Variants in CPNE4 observed in about 807,000 individuals in gnomAD.
CPNE4 encodes the protein copine 4.
In CPNE4, 25 loss-of-function variants were observed where a neutral mutation model predicts 67.9. The ratio of observed to expected loss-of-function variants is 0.37; its 90% CI spans 0.27 to 0.51. The LOEUF (loss-of-function observed/expected upper bound fraction) is 0.51, where lower values mean the gene tolerates loss of function less well. CPNE4 is among the 20% of genes least tolerant of loss of function. The pLI is 0.93. For missense variants in CPNE4, 464 were observed against 690.8 expected, an observed-to-expected ratio of 0.67 and a Z score of 3.68; for synonymous variants, 242 against 244.9, an observed-to-expected ratio of 0.99 and a Z score of 0.11.
intron 7 of CPNE4, among the ~76,000 whole-genome samples, chr3:131,639,661 G>A (rs960874347): frequency 4.6e-5 from 7 of 152,060 alleles, no homozygotes; most frequent in Non-Finnish European, 7.4e-5. Flanking sequence ...ATTCTATGAC[G>A]CCAGCATCGC....
upstream of CPNE4, chr3:132,037,466 T>C: frequency 1.1e-6 from 1 of 923,396 alleles, no homozygotes; most frequent in Non-Finnish European, 1.7e-6. Flanking sequence ...ATAATCCATG[T>C]TTTCAATCAC....
intron 1 of CPNE4, among the ~76,000 whole-genome samples, chr3:132,030,683 T>C (rs1318169043): frequency 6.6e-6 from 1 of 152,166 alleles, no homozygotes; most frequent in African/African-American, 2.4e-5. Flanking sequence ...ATAAAGGACT[T>C]CCCAGGATGT....
intron 2 of CPNE4, among the ~76,000 whole-genome samples, chr3:131,862,893 GT>G (rs1174724051): frequency 4.1e-5 from 6 of 146,408 alleles, no homozygotes; most frequent in Non-Finnish European, 9.0e-5. Flanking sequence ...AGTGTGTGAT[GT>G]TCCCCTTCCT....
At chr3:131,909,320 A>G (rs895384175) in intron 1 of CPNE4, among the ~76,000 whole-genome samples, 6 of 152,154 alleles carry the variant, frequency 3.9e-5, no homozygotes, top group African/African-American at 1.2e-4. Flanking sequence ...AGCTGGCTCT[A>G]TGGGAATCCT....
chr3:131,584,489 T>C (rs1938048320), intron 8 of CPNE4, among the ~76,000 whole-genome samples: 1 of 152,192 alleles, frequency 6.6e-6, no homozygotes, highest in African/African-American at 2.4e-5. Flanking sequence ...ATCTCCAAAA[T>C]ATGTCTTAAG....
Position 131,541,667 on chromosome 3 carries a change from T to C in CPNE4, c.1539+890A>G, listed in dbSNP as rs561752168. Among the ~76,000 whole-genome samples, 9 of 151,918 alleles carry C rather than the reference T, an allele frequency of 5.9e-5. No homozygotes were observed. In the South Asian group the frequency reaches 1.9e-3, roughly 32 times the overall value. The stretch of plus-strand genomic sequence containing the variant: ...CATTTTTTCCCACTGACTTTAACTG[T>C]CTTATTTATTTACTTTTTTTGAAAC... On this transcript the variant is annotated intron_variant, in intron 15 of 15. Transcript: ENST00000429747.
intron 7 of CPNE4, among the ~76,000 whole-genome samples, chr3:131,665,495 C>A (rs541189094): frequency 1.3e-4 from 20 of 152,062 alleles, no homozygotes; most frequent in African/African-American, 4.6e-4. Context: ...CCTGTCTCTA[C>A]TAAAAATATA....
intron 3 of CPNE4, among the ~76,000 whole-genome samples, chr3:131,703,973 T>C (rs2081360764): frequency 6.6e-6 from 1 of 152,184 alleles, no homozygotes; most frequent in African/African-American, 2.4e-5. Context: ...ATTTATAGGA[T>C]TATACAAAGT....
chr3:131,592,616 T>C (rs745371648), intron 7 of CPNE4, among the ~76,000 whole-genome samples: 25 of 149,268 alleles, frequency 1.7e-4, no homozygotes, highest in Admixed American at 6.0e-4. Flanking sequence ...TACATATATA[T>C]GTGTGTGTAT....
chr3:131,783,144 G>A (rs2083468917), intron 2 of CPNE4, among the ~76,000 whole-genome samples: 1 of 152,058 alleles, frequency 6.6e-6, no homozygotes, highest in South Asian at 2.1e-4. Flanking sequence ...AACGACAAAT[G>A]CAAGCCTTGG....
At position 131,951,643 on chromosome 3, in the gene CPNE4, G is replaced by C. The variant is rs557688066; in HGVS notation, c.-1-46199C>G. On this transcript the variant is annotated intron_variant, in intron 1 of 15. Transcript: ENST00000429747. ...AGCTGGACTGTACTGCTGCCATCTCGGCTCACTGCAACCTCCCTGCCTGAT... is the reference window on the plus strand; with the variant it reads ...AGCTGGACTGTACTGCTGCCATCTCCGCTCACTGCAACCTCCCTGCCTGAT... Among the ~76,000 whole-genome samples the C allele has an allele frequency of 6.1e-3, 934 of 152,208 alleles. 8 individuals carry two copies. The highest frequency in any genetic ancestry group is 0.021 in the African/African-American group (881 of 41,518).
intron 2 of CPNE4, among the ~76,000 whole-genome samples, chr3:131,843,925 C>T (rs2085894576): frequency 6.6e-6 from 1 of 152,172 alleles, no homozygotes; most frequent in Non-Finnish European, 1.5e-5. Context: ...TTTCTTCTCC[C>T]TGACTTGGTC....
chr3:131,685,061 A>G (rs1180929431), intron 6 of CPNE4, among the ~76,000 whole-genome samples: 1 of 152,194 alleles, frequency 6.6e-6, no homozygotes, highest in African/African-American at 2.4e-5. Flanking sequence ...CCAAATTACC[A>G]TGAAGCTCAG....
intron 7 of CPNE4, among the ~76,000 whole-genome samples, chr3:131,660,933 T>C: frequency 6.6e-6 from 1 of 152,198 alleles, no homozygotes; most frequent in Non-Finnish European, 1.5e-5. Context: ...GGCCTCTTCA[T>C]ATTTTTTCCC....
At chr3:131,674,322 G>A (rs868428993) in intron 6 of CPNE4, among the ~76,000 whole-genome samples, 8 of 151,990 alleles carry the variant, frequency 5.3e-5, no homozygotes, top group South Asian at 2.1e-4. Context: ...GGCAATACTA[G>A]CCTCATAGAA....
At chr3:132,029,320 C>T (rs1374486497) in intron 1 of CPNE4, among the ~76,000 whole-genome samples, 3 of 152,222 alleles carry the variant, frequency 2.0e-5, no homozygotes, top group East Asian at 1.9e-4. Context: ...TTTGTCCCCT[C>T]TCCGCAGCGA....
At chr3:131,934,813 G>A (rs1262185518) in intron 1 of CPNE4, among the ~76,000 whole-genome samples, 1 of 152,122 alleles carries the variant, frequency 6.6e-6, no homozygotes, top group East Asian at 1.9e-4. Flanking sequence ...GGTGAAGTCT[G>A]GAGTACCTAA....
chr3:131,941,432 A>G (rs181237180), intron 1 of CPNE4, among the ~76,000 whole-genome samples: 187 of 152,170 alleles, frequency 1.2e-3, no homozygotes, highest in Non-Finnish European at 1.2e-3. Flanking sequence ...GAACACTGCA[A>G]ATCAGAGCTT....
In CPNE4 at chr3:131,582,702, G is replaced by A. The variant is rs1041738494; in HGVS notation, c.781-1037C>T. Among the ~76,000 whole-genome samples the A allele has an allele frequency of 5.3e-5, 8 of 152,124 alleles. No homozygotes were observed. The East Asian group carries it at 5.8e-4, about 11-fold the overall frequency. On this transcript the variant is annotated intron_variant, in intron 8 of 15. Coordinates refer to ENST00000429747, the MANE Select transcript of CPNE4 (RefSeq NM_130808.3). ...TGATATAAGCAGAGGCTTGAAAAGC[G>A]CCTGTGTATTGGGGCTGGCTCCTCT... is the stretch of plus-strand genomic sequence containing the variant.
Sources: gnomAD v4.1 joint callset for allele counts (sites outside exome capture counted in the v4.1 genomes callset) on GRCh38, gnomAD v4.1.1 for gene constraint, MANE v1.5 for transcripts, NCBI Gene and HGNC (gene_info 2026-07-23, HGNC 2026-07-21) for gene names.